The following TIGD1 variants were observed in gnomAD, a reference collection of about 807,000 sequenced individuals.
TIGD1 encodes the protein tigger transposable element derived 1.
In TIGD1, 20 loss-of-function variants were observed where a neutral mutation model predicts 21.3. The observed-to-expected ratio is 0.94, with a 90% CI of 0.66 to 1.36. TIGD1 has a LOEUF of 1.36. TIGD1 is among the 40% of genes most tolerant of loss of function. TIGD1 has a pLI of 0.00. For synonymous variants in TIGD1, 177 were observed against 123.2 expected (o/e 1.44, Z -2.89); for missense variants, 556 against 350.5 (o/e 1.59, Z -4.68).
rs774177641 is a variant in TIGD1, at chr2:232,544,399, G to A, written c.*3708C>T. The A allele has an allele frequency of 4.3e-6, 7 of 1,613,500 alleles. No individual in the cohort carries two copies. The highest frequency in any genetic ancestry group is 5.9e-6 in the Non-Finnish European group (7 of 1,180,010). On this transcript the variant is annotated 3_prime_UTR_variant, in exon 1 of 1. Transcript: ENST00000408957. ...TGAGGCTCTTGCCCCAGCTGCTGAG[G>A]ATGCACGTTCGCCCGCTGGCCCCGG...
rs930940868 is a variant in TIGD1, at chr2:232,546,759, G to T, written c.*1348C>A. ...CCACACAACAGTGGTGGTTAAACAAGGTTTGAAGTCCAGAATTCCTGACTC... is the reference window on the plus strand; with the variant it reads ...CCACACAACAGTGGTGGTTAAACAATGTTTGAAGTCCAGAATTCCTGACTC... On this transcript the variant is annotated 3_prime_UTR_variant, in exon 1 of 1. Transcript: ENST00000408957. Among the ~76,000 whole-genome samples the T allele has an allele frequency of 1.3e-5, 2 of 152,010 alleles. No individual in the cohort carries two copies. Among genetic ancestry groups the T allele is most frequent in the African/African-American group, 4.8e-5 (2 of 41,380 alleles).
Position 232,549,983 on chromosome 2 carries a change from C to T in TIGD1, c.-101G>A, listed in dbSNP as rs1692245965. On this transcript the variant is annotated 5_prime_UTR_variant, in exon 1 of 1. Coordinates refer to ENST00000408957, the MANE Select transcript of TIGD1 (RefSeq NM_145702.4). Reference sequence around the variant, plus strand: ...GATGGGGAACGGTCTGTGGGTGGAGCGGTCAGAACACACACAACATTAAGT... The same window carrying T: ...GATGGGGAACGGTCTGTGGGTGGAGTGGTCAGAACACACACAACATTAAGT... 5 of 652,350 alleles carry T rather than the reference C, an allele frequency of 7.7e-6. No homozygotes were observed. The highest frequency in any genetic ancestry group is 2.2e-5 in the South Asian group (1 of 45,430). The allele number at this position is 652,350 out of a possible 1,614,324, so 40.4% of individuals were successfully genotyped here. A position where few individuals can be genotyped will look rare whatever the true frequency, so the allele number is the denominator to read the frequency against.
rs1010658891 is a variant in TIGD1, at chr2:232,545,208, G to A, written c.*2899C>T. Reference sequence around the variant, plus strand: ...TGTATTCCCAGCTACTCAGGAGGCTGAGGCAGGAGAATTGCTTGAACCTGG... The same window carrying A: ...TGTATTCCCAGCTACTCAGGAGGCTAAGGCAGGAGAATTGCTTGAACCTGG... On this transcript the variant is annotated 3_prime_UTR_variant, in exon 1 of 1. Coordinates refer to ENST00000408957, the MANE Select transcript of TIGD1 (RefSeq NM_145702.4). Among the ~76,000 whole-genome samples the A allele has an allele frequency of 1.2e-4, 19 of 152,198 alleles. No homozygotes were observed. The highest frequency in any genetic ancestry group is 4.6e-4 in the African/African-American group (19 of 41,538).
rs1156427198 is a variant in TIGD1 at position 232,545,318 on chromosome 2, C to CA, written c.*2788dup. On this transcript the variant is annotated 3_prime_UTR_variant, in exon 1 of 1. Coordinates refer to ENST00000408957, the MANE Select transcript of TIGD1 (RefSeq NM_145702.4). The stretch of plus-strand genomic sequence containing the variant: ...AAGAGTGAGACGTGAGACTCCGTCT[C>CA]AAAAAAAAAAAAAAGGAAAGAAAGA... 0.02 allele frequency among the ~76,000 whole-genome samples: 1,304 copies of CA among 64,416 alleles called. 10 individuals are homozygous for CA. The highest frequency in any genetic ancestry group is 0.036 in the African/African-American group (652 of 18,298). 42.3% of individuals were successfully genotyped at this position (64,416 alleles called of 152,430 possible).
rs1050606125 is a variant in TIGD1 at position 232,548,937 on chromosome 2, C to T, written c.946G>A (p.Glu316Lys). 6 of 679,150 alleles carry T rather than the reference C, an allele frequency of 8.8e-6. No homozygotes were observed. The highest frequency in any genetic ancestry group is 7.1e-5 in the African/African-American group (4 of 56,704). The allele number at this position is 679,150 out of a possible 1,614,324, so 42.1% of individuals were successfully genotyped here. A position where few individuals can be genotyped will look rare whatever the true frequency, so the allele number is the denominator to read the frequency against. ...GGCATGAAAATAACATTAATCTCCT[C>T]GTATATCTCCATCAGAGCTCTTGGA... ...SHPRALMEIY[E>K]EINVIFMPAN... The change falls in exon 1 of 1, where the codon GAG (glutamate) becomes AAG (lysine). Residue 316 changes from glutamate (E) to lysine (K), a missense_variant. Coordinates refer to ENST00000408957, the MANE Select transcript of TIGD1 (RefSeq NM_145702.4).
chr2:232,545,892 A>T lies in TIGD1; in HGVS notation c.*2215T>A. On this transcript the variant is annotated 3_prime_UTR_variant, in exon 1 of 1. Coordinates refer to ENST00000408957, the MANE Select transcript of TIGD1 (RefSeq NM_145702.4). ...GAAACAGTCTGAGCTGGAGTCCGAG[A>T]GTGGTTGGGGGTGGGCCGTGGCTAG... 2 of 775,610 alleles carry T rather than the reference A, an allele frequency of 2.6e-6. No individual in the cohort carries two copies. The highest frequency in any genetic ancestry group is 5.4e-5 in the East Asian group (2 of 37,352). The allele number at this position is 775,610 out of a possible 1,614,324, so 48.0% of individuals were successfully genotyped here.
At position 232,544,311 on chromosome 2, in the gene TIGD1, C is replaced by G; in HGVS notation, c.*3796G>C. 1 of 1,366,010 alleles carries G rather than the reference C, an allele frequency of 7.3e-7. No individual in the cohort carries two copies. The highest frequency in any genetic ancestry group is 1.0e-6 in the Non-Finnish European group (1 of 958,274). The allele number at this position is 1,366,010 out of a possible 1,614,324, so 84.6% of individuals were successfully genotyped here. A position where few individuals can be genotyped will look rare whatever the true frequency, so the allele number is the denominator to read the frequency against. On this transcript the variant is annotated 3_prime_UTR_variant, in exon 1 of 1. Coordinates refer to ENST00000408957, the MANE Select transcript of TIGD1 (RefSeq NM_145702.4). Reference sequence around the variant, plus strand: ...CAGCACAAGCCCTTCACGCCAACCTCTGGCTTCTGCTCTGAAGCTCGGCCT... The same window carrying G: ...CAGCACAAGCCCTTCACGCCAACCTGTGGCTTCTGCTCTGAAGCTCGGCCT...
chr2:232,548,797 G>A lies in TIGD1; in HGVS notation c.1086C>T (p.Val362=). Residue 362 remains valine, a synonymous_variant, in exon 1 of 1, where the codon GTC becomes GTT. Transcript: ENST00000408957. ...ATTTGCTTTGCCCAGATCCATCAGA[G>A]ACATCACTATCCATGGCAGCTAGAG... ...HKALAAMDSD[V]SDGSGQSKLK... is the part of the protein sequence containing the mutation. 1.8e-6 allele frequency: 1 copy of A among 557,562 alleles called. No individual in the cohort carries two copies. The highest frequency in any genetic ancestry group is 3.4e-6 in the Non-Finnish European group (1 of 295,656). 34.5% of individuals were successfully genotyped at this position (557,562 alleles called of 1,614,324 possible).
chr2:232,544,518 G>A lies in TIGD1; in HGVS notation c.*3589C>T. 1 of 1,613,904 alleles carries A rather than the reference G, an allele frequency of 6.2e-7. No homozygotes were observed. Among genetic ancestry groups the A allele is most frequent in the Non-Finnish European group, 8.5e-7 (1 of 1,180,022 alleles). On this transcript the variant is annotated 3_prime_UTR_variant, in exon 1 of 1. Transcript: ENST00000408957. The stretch of plus-strand genomic sequence containing the variant: ...GAGGTGGCCCTCTGCCTGCCTCGCA[G>A]TGAACTCCTCTTCCAGCAGTGGCAG...
chr2:232,546,634 G>A lies in TIGD1; in HGVS notation c.*1473C>T, dbSNP rs977456574. Among the ~76,000 whole-genome samples the A allele has an allele frequency of 2.0e-5, 3 of 152,034 alleles. No homozygotes were observed. The highest frequency in any genetic ancestry group is 7.3e-5 in the African/African-American group (3 of 41,374). On this transcript the variant is annotated 3_prime_UTR_variant, in exon 1 of 1. Transcript: ENST00000408957. ...TTACAGGCATAAGCCACTGTACCTG[G>A]CCTCCTTTTTAATTAAGAGCTCCTC...
At position 232,548,690 on chromosome 2, in the gene TIGD1, GT is replaced by G. The variant is rs1454010773; in HGVS notation, c.1192del (p.Thr398HisfsTer2). ...CAACTTCTTCCAAACTCCTGTTAAT[GT>G]TGACAATTTGACCTCCTCCCATGAA... Reference protein sequence around the residue: ...RDSWEEVKLSTLTGVWKKLIP... With the variant: ...RDSWEEVKLSXLTGVWKKLIP... On this transcript the variant is annotated frameshift_variant, in exon 1 of 1. Transcript: ENST00000408957. LOFTEE classifies it high-confidence loss of function. 4.1e-6 allele frequency: 2 copies of G among 486,052 alleles called. No individual in the cohort carries two copies. The highest frequency in any genetic ancestry group is 3.5e-4 in the Middle Eastern group (1 of 2,842). 30.1% of individuals were successfully genotyped at this position (486,052 alleles called of 1,614,324 possible). A position where few individuals can be genotyped will look rare whatever the true frequency, so the allele number is the denominator to read the frequency against.
In TIGD1 at chr2:232,545,885, G is replaced by A; in HGVS notation, c.*2222C>T. ...AGCTGGGGAAACAGTCTGAGCTGGAGTCCGAGAGTGGTTGGGGGTGGGCCG... is the reference window on the plus strand; with the variant it reads ...AGCTGGGGAAACAGTCTGAGCTGGAATCCGAGAGTGGTTGGGGGTGGGCCG... On this transcript the variant is annotated 3_prime_UTR_variant, in exon 1 of 1. Transcript: ENST00000408957. 1 of 796,042 alleles carries A rather than the reference G, an allele frequency of 1.3e-6. No individual in the cohort carries two copies. Among genetic ancestry groups the A allele is most frequent in the Non-Finnish European group, 2.1e-6 (1 of 477,532 alleles). The allele number at this position is 796,042 out of a possible 1,614,324, so 49.3% of individuals were successfully genotyped here. A position where few individuals can be genotyped will look rare whatever the true frequency, so the allele number is the denominator to read the frequency against.
rs1170130176 is a variant in TIGD1 at position 232,550,321 on chromosome 2, C to A, written c.-439G>T. 8.7e-6 allele frequency: 3 copies of A among 343,224 alleles called. No individual in the cohort carries two copies. The highest frequency in any genetic ancestry group is 1.7e-5 in the Non-Finnish European group (3 of 178,862). The allele number at this position is 343,224 out of a possible 1,614,324, so 21.3% of individuals were successfully genotyped here. A position where few individuals can be genotyped will look rare whatever the true frequency, so the allele number is the denominator to read the frequency against. Reference sequence around the variant, plus strand: ...CGCCGCGACCGACAAAGGAAAGCCTCCGGGAGGTCAAAAGAGATACCAGAG... The same window carrying A: ...CGCCGCGACCGACAAAGGAAAGCCTACGGGAGGTCAAAAGAGATACCAGAG... On this transcript the variant is annotated 5_prime_UTR_variant, in exon 1 of 1. Coordinates refer to ENST00000408957, the MANE Select transcript of TIGD1 (RefSeq NM_145702.4).
chr2:232,547,794 G>A lies in TIGD1; in HGVS notation c.*313C>T, dbSNP rs769559150. Among the ~76,000 whole-genome samples the A allele has an allele frequency of 9.9e-5, 15 of 152,192 alleles. No homozygotes were observed. The highest frequency in any genetic ancestry group is 2.1e-4 in the Non-Finnish European group (14 of 68,048). ...CTCAACCTCTCTGAAAGCCTCAGAG[G>A]GCAGAGGATTAGCTCCTTGTACACA... On this transcript the variant is annotated 3_prime_UTR_variant, in exon 1 of 1. Coordinates refer to ENST00000408957, the MANE Select transcript of TIGD1 (RefSeq NM_145702.4).
chr2:232,543,986 G>A lies in TIGD1; in HGVS notation c.*4121C>T, dbSNP rs1274185535. ...GAGGTTAAGTAACCTGCCCAAGGAAGTGCACTACAAAGTCGAAAAAGCAGG... is the reference window on the plus strand; with the variant it reads ...GAGGTTAAGTAACCTGCCCAAGGAAATGCACTACAAAGTCGAAAAAGCAGG... On this transcript the variant is annotated 3_prime_UTR_variant, in exon 1 of 1. Coordinates refer to ENST00000408957, the MANE Select transcript of TIGD1 (RefSeq NM_145702.4). Among the ~76,000 whole-genome samples the A allele has an allele frequency of 2.0e-5, 3 of 152,256 alleles. No individual in the cohort carries two copies. The highest frequency in any genetic ancestry group is 4.8e-5 in the African/African-American group (2 of 41,470).
Position 232,548,291 on chromosome 2 carries a change from C to A in TIGD1, c.1592G>T (p.Arg531Ile). ...ACTCTTCCTTTCATGAAAGATTTCTCTGTAGCATGCGATGCTGTTTGATAG... is the reference window on the plus strand; with the variant it reads ...ACTCTTCCTTTCATGAAAGATTTCTATGTAGCATGCGATGCTGTTTGATAG... The part of the protein sequence containing the change: ...KMLSNSIACY[R>I]EIFHERKSQL... Residue 531 changes from arginine to isoleucine, a missense_variant, in exon 1 of 1, where the codon AGA (arginine) becomes ATA (isoleucine). Arg to Ile is a moderately conservative substitution (Grantham distance 97, BLOSUM62 -3). Transcript: ENST00000408957. The A allele has an allele frequency of 6.5e-7, 1 of 1,527,972 alleles. No individual in the cohort carries two copies. The highest frequency in any genetic ancestry group is 8.8e-7 in the Non-Finnish European group (1 of 1,140,410). 94.7% of individuals were successfully genotyped at this position (1,527,972 alleles called of 1,614,324 possible).
Position 232,549,189 on chromosome 2 carries a change from T to A in TIGD1, c.694A>T (p.Lys232Ter). The change falls in exon 1 of 1, where the codon AAG (lysine) becomes TAG (stop). Residue 232 changes from lysine (K) to a stop codon, truncating the protein, a stop_gained. Coordinates refer to ENST00000408957, the MANE Select transcript of TIGD1 (RefSeq NM_145702.4). LOFTEE classifies it high-confidence loss of function. ...TGGTAAATAAGCATTGGCTTCAACTTAAAGTCACCAGCTGCATTAGCCCCT... is the reference window on the plus strand; with the variant it reads ...TGGTAAATAAGCATTGGCTTCAACTAAAAGTCACCAGCTGCATTAGCCCCT... ...LLGANAAGDF[K>*]LKPMLIYHSE... 1 of 705,704 alleles carries A rather than the reference T, an allele frequency of 1.4e-6. No homozygotes were observed. Among genetic ancestry groups the A allele is most frequent in the Non-Finnish European group, 2.6e-6 (1 of 382,346 alleles). The allele number at this position is 705,704 out of a possible 1,614,324, so 43.7% of individuals were successfully genotyped here.
Position 232,544,580 on chromosome 2 carries a change from G to C in TIGD1, c.*3527C>G. ...GGTGGCGGCAGCGCTGGAGAAGCTAGGTGAGACACACCAGGTGTGCCTGGG... is the reference window on the plus strand; with the variant it reads ...GGTGGCGGCAGCGCTGGAGAAGCTACGTGAGACACACCAGGTGTGCCTGGG... On this transcript the variant is annotated 3_prime_UTR_variant, in exon 1 of 1. Coordinates refer to ENST00000408957, the MANE Select transcript of TIGD1 (RefSeq NM_145702.4). 1 of 1,612,092 alleles carries C rather than the reference G, an allele frequency of 6.2e-7. No individual in the cohort carries two copies. Among genetic ancestry groups the C allele is most frequent in the South Asian group, 1.1e-5 (1 of 91,048 alleles).
Position 232,544,737 on chromosome 2 carries a change from T to C in TIGD1, c.*3370A>G, listed in dbSNP as rs200184101. The C allele has an allele frequency of 1.5e-4, 240 of 1,613,324 alleles. No homozygotes were observed. The African/African-American group carries it at 2.4e-3, about 16-fold the overall frequency. The stretch of plus-strand genomic sequence containing the variant: ...ATCTTCTCTGCCTGTTTCTCCTCCA[T>C]TCTACTCCCAAACCTTACCCTTTCT... On this transcript the variant is annotated 3_prime_UTR_variant, in exon 1 of 1. Coordinates refer to ENST00000408957, the MANE Select transcript of TIGD1 (RefSeq NM_145702.4).
Sources: gnomAD v4.1 joint callset for allele counts (sites outside exome capture counted in the v4.1 genomes callset) on GRCh38, gnomAD v4.1.1 for gene constraint, MANE v1.5 for transcripts, NCBI Gene and HGNC (gene_info 2026-07-23, HGNC 2026-07-21) for gene names.